The following TMCO5A variants were observed in gnomAD, a reference collection of about 807,000 sequenced individuals.
TMCO5A encodes transmembrane and coiled-coil domain-containing protein 5A.
TMCO5A carries 34 observed loss-of-function variants against 42.3 expected under a neutral mutation model. The ratio of observed to expected loss-of-function variants is 0.80; its 90% confidence interval spans 0.61 to 1.07. The LOEUF is 1.07. TMCO5A is among the 50% of genes least tolerant of loss of function. TMCO5A has a pLI of 0.00. For missense variants in TMCO5A, 357 were observed against 327.9 expected, an observed-to-expected ratio of 1.09 and a Z score of -0.69; for synonymous variants, 131 against 115.6, an observed-to-expected ratio of 1.13 and a Z score of -0.86.
chr15:37,940,778 T>C (rs143804996), intron 6 of TMCO5A, among the ~76,000 whole-genome samples: 16 of 152,148 alleles, frequency 1.1e-4, no homozygotes, highest in Middle Eastern at 6.8e-3. Flanking sequence ...GAGCAAGGCA[T>C]ACAGGGAGGG....
chr15:37,970,966 T>C (rs956988533), downstream of TMCO5A, among the ~76,000 whole-genome samples: 1 of 152,200 alleles, frequency 6.6e-6, no homozygotes, highest in East Asian at 1.9e-4. Context: ...CCAGGCACCT[T>C]GTGCAAGCTG....
intron 8 of TMCO5A, 43 bp from the exon 9 acceptor site, chr15:37,942,148 C>A (rs1263307906): frequency 1.9e-6 from 3 of 1,576,744 alleles, no homozygotes; most frequent in South Asian, 2.2e-5. Flanking sequence ...AAATTGTAAA[C>A]CTTCTAAGTA....
the TMCO5A span, among the ~76,000 whole-genome samples, chr15:38,032,182 C>T: frequency 3.9e-5 from 6 of 152,164 alleles, no homozygotes; most frequent in Admixed American, 6.5e-5. Flanking sequence ...CTCAAACTCC[C>T]GACCTCAGGT....
intron 2 of TMCO5A, chr15:37,935,940 A>T (rs111648201): frequency 6.4e-6 from 1 of 155,054 alleles, no homozygotes; most frequent in African/African-American, 2.4e-5. Context: ...AAAAGTGTTC[A>T]ATAAATGTGT....
chr15:38,036,078 AC>A, the TMCO5A span, among the ~76,000 whole-genome samples: 3 of 152,036 alleles, frequency 2.0e-5, no homozygotes, highest in East Asian at 5.8e-4. Flanking sequence ...CCCCTCCATC[AC>A]CCAGTCACAA....
the TMCO5A span, among the ~76,000 whole-genome samples, chr15:38,037,280 T>A: frequency 6.6e-6 from 1 of 152,228 alleles, no homozygotes; most frequent in Non-Finnish European, 1.5e-5. Flanking sequence ...TCTATGTTGG[T>A]TTAATCCTAA....
chr15:37,989,952 G>C, the TMCO5A span, among the ~76,000 whole-genome samples: 1 of 152,010 alleles, frequency 6.6e-6, no homozygotes, highest in African/African-American at 2.4e-5. Flanking sequence ...CAAGTTCCTA[G>C]CACATAAATT....
chr15:37,939,925 C>T (rs1393446195), intron 6 of TMCO5A, among the ~76,000 whole-genome samples: 3 of 151,970 alleles, frequency 2.0e-5, no homozygotes, highest in African/African-American at 7.2e-5. Flanking sequence ...ATAATGGCAC[C>T]TAGATCAAAG....
At chr15:37,950,039 C>T (rs1890105455) in intron 11 of TMCO5A, among the ~76,000 whole-genome samples, 1 of 152,296 alleles carries the variant, frequency 6.6e-6, no homozygotes, top group Admixed American at 6.5e-5. Context: ...CTTGAGTGTC[C>T]TCACAACATG....
the TMCO5A span, among the ~76,000 whole-genome samples, chr15:37,999,674 T>C: frequency 1.3e-5 from 2 of 152,188 alleles, no homozygotes; most frequent in Admixed American, 6.5e-5. Context: ...CTATCACATA[T>C]GGCTTTTATT....
At position 37,938,008 on chromosome 15, in the gene TMCO5A, A is replaced by C. The variant is rs552112183; in HGVS notation, c.316-150A>C. The stretch of plus-strand genomic sequence containing the variant: ...AGTGAGAAGAAGACAGAGGTAGAAC[A>C]AAGATGTTTCCACAGGTCACCAAAT... On this transcript the variant is annotated intron_variant, in intron 5 of 11. Transcript: ENST00000319669. 9.8e-5 allele frequency: 66 copies of C among 675,600 alleles called. No homozygotes were observed. In the African/African-American group the frequency reaches 1.2e-3, roughly 12 times the overall value. The allele number at this position is 675,600 out of a possible 1,614,324, so 41.9% of individuals were successfully genotyped here. A position where few individuals can be genotyped will look rare whatever the true frequency, so the allele number is the denominator to read the frequency against.
intron 6 of TMCO5A, among the ~76,000 whole-genome samples, chr15:37,939,229 CATAGAAAATAGAA>C (rs141366235): frequency 0.022 from 3,307 of 152,114 alleles, 114 homozygotes; most frequent in African/African-American, 0.076. Flanking sequence ...AATTTGGATA[CATAGAAAATAGAA>C]ATAGAAAATG....
the TMCO5A span, chr15:38,020,380 G>C: frequency 6.6e-6 from 1 of 152,080 alleles, no homozygotes; most frequent in Non-Finnish European, 1.5e-5. Context: ...ATGAACCCTT[G>C]GAAGAAAATA....
the TMCO5A span, among the ~76,000 whole-genome samples, chr15:38,003,222 G>GTCTCTCTCTCTCTCTCTCTCTC: frequency 1.5e-3 from 217 of 147,144 alleles, 3 homozygotes; most frequent in African/African-American, 5.2e-3. Context: ...CCCAAACAGA[G>GTCTCTCTCTCTCTCTCTCTCTC]TCTCTCTCTC....
At chr15:37,957,477 C>T (rs1477192842) in intron 11 of TMCO5A, among the ~76,000 whole-genome samples, 1 of 152,038 alleles carries the variant, frequency 6.6e-6, no homozygotes, top group African/African-American at 2.4e-5. Flanking sequence ...CATGAGTGAA[C>T]TCCCATTCAC....
intron 11 of TMCO5A, among the ~76,000 whole-genome samples, chr15:37,957,579 G>A (rs190774872): frequency 6.6e-6 from 1 of 151,968 alleles, no homozygotes; most frequent in East Asian, 1.9e-4. Flanking sequence ...CACTCCTCAA[G>A]GAAATAAGAG....
chr15:37,949,898 G>A (rs1003077079), intron 11 of TMCO5A, among the ~76,000 whole-genome samples: 9 of 152,096 alleles, frequency 5.9e-5, no homozygotes, highest in African/African-American at 2.2e-4. Flanking sequence ...GACCAAAATT[G>A]CAGTCATTAA....
At chr15:38,005,185 C>T in the TMCO5A span, among the ~76,000 whole-genome samples, 1 of 149,936 alleles carries the variant, frequency 6.7e-6, no homozygotes, top group South Asian at 2.1e-4. Flanking sequence ...GAGAGAGGAT[C>T]CTTAAAAGGG....
downstream of TMCO5A, among the ~76,000 whole-genome samples, chr15:37,951,996 C>A (rs1363398648): frequency 2.0e-5 from 3 of 152,084 alleles, no homozygotes; most frequent in Admixed American, 1.3e-4. Flanking sequence ...AGTGCTTCCC[C>A]ATTATAACAG....
Sources: allele counts gnomAD v4.1 joint callset (sites outside exome capture counted in the v4.1 genomes callset), GRCh38; gene constraint gnomAD v4.1.1; transcripts MANE v1.5; gene names NCBI Gene and HGNC (gene_info 2026-07-23, HGNC 2026-07-21).